Variants in SFXN1 observed in about 807,000 individuals in gnomAD.
The protein encoded by SFXN1 is sideroflexin 1, also known as sideroflexin-1.
Under a neutral mutation model 39.5 loss-of-function variants are expected in SFXN1, and 32 were observed. The observed-to-expected ratio is 0.81, with a 90% CI of 0.61 to 1.09. The LOEUF (loss-of-function observed/expected upper bound fraction) is 1.09. SFXN1 is among the 50% of genes least tolerant of loss of function. SFXN1 has a pLI of 0.00. For synonymous variants in SFXN1, 136 were observed against 146.5 expected, an observed-to-expected ratio of 0.93 and a Z score of 0.52; for missense variants, 402 against 407.1, an observed-to-expected ratio of 0.99 and a Z score of 0.11.
intron 2 of SFXN1, among the ~76,000 whole-genome samples, chr5:175,497,535 A>G (rs866497691): frequency 2.5e-4 from 38 of 152,358 alleles, no homozygotes; most frequent in African/African-American, 8.7e-4. Context: ...ATTGATAAAG[A>G]TATAGTGAAT....
rs558535805 is a variant in SFXN1, at chr5:175,522,441, T to A, written c.872+19T>A. 1.2e-6 allele frequency: 2 copies of A among 1,609,822 alleles called. No homozygotes were observed. The highest frequency in any genetic ancestry group is 4.5e-5 in the East Asian group (2 of 44,808). On this transcript the variant is annotated intron_variant, in intron 10 of 10. Transcript: ENST00000321442. Reference sequence around the variant, plus strand: ...AGAAAAGGTATGTATTTGTTATTCGTCAGAATCATCATGAGTATTAATCCT... The same window carrying A: ...AGAAAAGGTATGTATTTGTTATTCGACAGAATCATCATGAGTATTAATCCT...
At chr5:175,522,247 AT>A in intron 9 of SFXN1, 127 bp from the exon 10 acceptor site, 2 of 952,030 alleles carry the variant, frequency 2.1e-6, no homozygotes, top group Non-Finnish European at 1.5e-6. Context: ...AACAGGACTT[AT>A]TTTTGTTAGA....
intron 10 of SFXN1, chr5:175,524,143 T>A (rs1187360562): frequency 1.7e-3 from 48 of 28,510 alleles, no homozygotes; most frequent in Middle Eastern, 0.022. Context: ...TATATATATA[T>A]ATATATATAT....
At chr5:175,514,978 G>T (rs952552394) in intron 7 of SFXN1, among the ~76,000 whole-genome samples, 9 of 152,206 alleles carry the variant, frequency 5.9e-5, no homozygotes, top group African/African-American at 2.2e-4. Flanking sequence ...TGAAATCGAG[G>T]TTGCGGCTCC....
intron 10 of SFXN1, chr5:175,523,150 A>T (rs899751726): frequency 6.6e-6 from 1 of 152,114 alleles, no homozygotes; most frequent in African/African-American, 2.4e-5. Flanking sequence ...TCTGTTCTAG[A>T]ACTAATGCTG....
At chr5:175,522,244 C>T in intron 9 of SFXN1, 131 bp from the exon 10 acceptor site, 1 of 911,670 alleles carries the variant, frequency 1.1e-6, no homozygotes, top group Non-Finnish European at 1.6e-6. Flanking sequence ...ACAAACAGGA[C>T]TTATTTTTGT....
chr5:175,497,833 G>A (rs1406085066), intron 2 of SFXN1, among the ~76,000 whole-genome samples: 1 of 151,790 alleles, frequency 6.6e-6, no homozygotes, highest in Non-Finnish European at 1.5e-5. Flanking sequence ...GGGAAGCTGA[G>A]GCAGGAGAAT....
intron 7 of SFXN1, 134 bp from the exon 8 acceptor site, chr5:175,516,480 C>A: frequency 2.9e-6 from 2 of 692,022 alleles, no homozygotes; most frequent in South Asian, 2.1e-5. Context: ...TAAAGAATTG[C>A]TACAAACTGT....
intron 2 of SFXN1, among the ~76,000 whole-genome samples, chr5:175,505,573 T>TAATAATAATAATAA (rs1561665361): frequency 4.0e-5 from 6 of 149,396 alleles, no homozygotes; most frequent in Admixed American, 6.7e-5. Flanking sequence ...ATAATAATAA[T>TAATAATAATAATAA]TCTAAGGTTT....
chr5:175,524,118 AAAAAAAAATAT>A (rs1175505246), intron 10 of SFXN1: 8 of 66,554 alleles, frequency 1.2e-4, no homozygotes, highest in Non-Finnish European at 1.4e-4. Flanking sequence ...AAAAAAAAAA[AAAAAAAAATAT>A]ATATATATAT....
chr5:175,507,122 A>G (rs2652187), intron 2 of SFXN1, among the ~76,000 whole-genome samples: 37,734 of 151,904 alleles, frequency 0.25, 6,466 homozygotes, highest in African/African-American at 0.48. Flanking sequence ...GAATGTTTTG[A>G]TGCACCTTGG....
chr5:175,516,225 G>A (rs142265713), intron 7 of SFXN1, among the ~76,000 whole-genome samples: 105 of 152,250 alleles, frequency 6.9e-4, no homozygotes, highest in East Asian at 2.3e-3. Context: ...TAGCCTGTAC[G>A]GAAGCAGTTT....
At chr5:175,519,526 C>A (rs1001876795) in intron 8 of SFXN1, among the ~76,000 whole-genome samples, 8 of 152,128 alleles carry the variant, frequency 5.3e-5, no homozygotes, top group African/African-American at 1.9e-4. Context: ...GTGCTACACA[C>A]AACATGAAGG....
intron 2 of SFXN1, among the ~76,000 whole-genome samples, chr5:175,504,895 A>AT (rs1234294716): frequency 2.0e-5 from 3 of 151,712 alleles, no homozygotes; most frequent in Admixed American, 6.6e-5. Context: ...CGCCCAGCTG[A>AT]TTTTTTGTAT....
Position 175,482,889 on chromosome 5 carries a change from C to G in SFXN1, c.-10+4250C>G, listed in dbSNP as rs564169687. Among the ~76,000 whole-genome samples, 326 of 152,082 alleles carry G rather than the reference C, an allele frequency of 2.1e-3. 1 individual carries two copies. The highest frequency in any genetic ancestry group is 0.012 in the South Asian group (57 of 4,808). Reference sequence around the variant, plus strand: ...ATGCTCGGGAAATTACACCACAGGGCGGGGGGCCTCCATCAGCAAAAACCA... The same window carrying G: ...ATGCTCGGGAAATTACACCACAGGGGGGGGGGCCTCCATCAGCAAAAACCA... On this transcript the variant is annotated intron_variant, in intron 1 of 10. Coordinates refer to ENST00000321442, the MANE Select transcript of SFXN1 (RefSeq NM_022754.7).
At chr5:175,497,813 C>T (rs1759910575) in intron 2 of SFXN1, among the ~76,000 whole-genome samples, 1 of 151,806 alleles carries the variant, frequency 6.6e-6, no homozygotes, top group African/African-American at 2.4e-5. Context: ...ACCTGTAATC[C>T]CAGCTACTGG....
At chr5:175,505,498 T>C (rs138297300) in intron 2 of SFXN1, among the ~76,000 whole-genome samples, 190 of 150,510 alleles carry the variant, frequency 1.3e-3, no homozygotes, top group African/African-American at 4.2e-3. Context: ...GATCACGCCA[T>C]TGCATTCCAG....
At chr5:175,517,992 C>A (rs766391390) in intron 8 of SFXN1, among the ~76,000 whole-genome samples, 1 of 152,086 alleles carries the variant, frequency 6.6e-6, no homozygotes, top group Non-Finnish European at 1.5e-5. Flanking sequence ...CTTTTTTAAA[C>A]GGTGATGCTT....
intron 1 of SFXN1, among the ~76,000 whole-genome samples, chr5:175,480,157 T>G (rs1332696484): frequency 1.3e-5 from 2 of 152,124 alleles, no homozygotes; most frequent in African/African-American, 4.8e-5. Context: ...ATCCCAGCAC[T>G]TTGGGTGGCC....
Sources: gnomAD v4.1 joint callset for allele counts (sites outside exome capture counted in the v4.1 genomes callset) on GRCh38, gnomAD v4.1.1 for gene constraint, MANE v1.5 for transcripts, NCBI Gene and HGNC (gene_info 2026-07-23, HGNC 2026-07-21) for gene names.